The following GALNT14 variants were observed in gnomAD, a reference collection of about 807,000 sequenced individuals.
GALNT14 encodes polypeptide N-acetylgalactosaminyltransferase 14, also known as UDP-GalNAc:polypeptide N-acetylgalactosaminyltransferase 14.
Under a neutral mutation model 77.5 loss-of-function variants are expected in GALNT14, and 60 were observed. That is an observed-to-expected ratio of 0.77 (90% CI 0.63 to 0.96). The LOEUF (loss-of-function observed/expected upper bound fraction) is 0.96. GALNT14 is among the 40% of genes least tolerant of loss of function. The pLI is 0.00. For synonymous variants in GALNT14, 280 were observed against 281.7 expected (o/e 0.99, Z 0.06); for missense variants, 710 against 731.0 (o/e 0.97, Z 0.33).
intron 1 of GALNT14, among the ~76,000 whole-genome samples, chr2:31,029,705 A>G (rs961713483): frequency 6.6e-6 from 1 of 151,224 alleles, no homozygotes; most frequent in Non-Finnish European, 1.5e-5. Context: ...TACATCCCAG[A>G]GGAGTAGCAA....
At chr2:30,921,276 C>T (rs1324989798) in intron 13 of GALNT14, among the ~76,000 whole-genome samples, 1 of 152,148 alleles carries the variant, frequency 6.6e-6, no homozygotes, top group Non-Finnish European at 1.5e-5. Context: ...ACAGACCAAG[C>T]ACACTCCTGC....
intron 8 of GALNT14, among the ~76,000 whole-genome samples, chr2:30,943,823 G>T (rs922313323): frequency 6.6e-6 from 1 of 152,160 alleles, no homozygotes; most frequent in Non-Finnish European, 1.5e-5. Flanking sequence ...GGGCCATCAG[G>T]TAGATGAGAC....
intron 2 of GALNT14, chr2:30,991,074 T>G (rs951134378): frequency 4.6e-5 from 7 of 150,600 alleles, no homozygotes; most frequent in Admixed American, 3.3e-4. Context: ...TGCCTCTAAA[T>G]GGTAGAAGAA....
intron 2 of GALNT14, among the ~76,000 whole-genome samples, chr2:30,970,127 G>A (rs934751264): frequency 1.3e-5 from 2 of 152,130 alleles, no homozygotes; most frequent in African/African-American, 4.8e-5. Flanking sequence ...ATCTGCAGAC[G>A]ACTCTGCCTG....
At chr2:30,904,534 A>T in the GALNT14 span, among the ~76,000 whole-genome samples, 3 of 152,170 alleles carry the variant, frequency 2.0e-5, no homozygotes, top group Non-Finnish European at 4.4e-5. Context: ...ACGAGATTAT[A>T]TCCCACACCT....
downstream of GALNT14, among the ~76,000 whole-genome samples, chr2:30,909,281 A>C (rs1238362245): frequency 1.3e-5 from 2 of 149,808 alleles, no homozygotes; most frequent in South Asian, 2.1e-4. Context: ...CAACCTACAA[A>C]ATGGGAGAAA....
intron 1 of GALNT14, among the ~76,000 whole-genome samples, chr2:31,084,037 A>C (rs1290693179): frequency 2.0e-5 from 3 of 152,178 alleles, no homozygotes; most frequent in African/African-American, 7.2e-5. Context: ...GTAGGGGAGA[A>C]AGAGCGCTGG....
rs536331353 is a variant in GALNT14, at chr2:30,980,911, G to A, written c.299+11927C>T. 1.5e-4 allele frequency among the ~76,000 whole-genome samples: 23 copies of A among 152,316 alleles called. No homozygotes were observed. The East Asian group carries it at 3.3e-3, about 22-fold the overall frequency. ...AGCCTGGCCAACATGGCAAAACCCC[G>A]TCTCTACTAAGATTAGCTGGGCTTG... is the stretch of plus-strand genomic sequence containing the variant. On this transcript the variant is annotated intron_variant, in intron 2 of 14. Transcript: ENST00000349752.
In GALNT14 at chr2:31,076,225, C is replaced by T. The variant is rs111939514; in HGVS notation, c.129+61733G>A. Among the ~76,000 whole-genome samples the T allele has an allele frequency of 8.0e-3, 1,216 of 152,290 alleles. 11 individuals are homozygous for T. Among genetic ancestry groups the T allele is most frequent in the Non-Finnish European group, 0.011 (731 of 68,038 alleles). ...CCATTTATTGAGTACCCACCATGCA[C>T]CACACAATACAATCCTTCTAACAAG... On this transcript the variant is annotated intron_variant, in intron 1 of 14. Transcript: ENST00000349752.
intron 1 of GALNT14, chr2:31,129,388 T>C (rs1227445756): frequency 1.0e-6 from 1 of 985,344 alleles, no homozygotes; most frequent in Admixed American, 6.1e-5. Context: ...TATCTTCTTT[T>C]CCTGATTCAC....
chr2:30,969,557 C>T (rs564202999), intron 2 of GALNT14, among the ~76,000 whole-genome samples: 38 of 152,178 alleles, frequency 2.5e-4, no homozygotes, highest in Non-Finnish European at 5.0e-4. Context: ...CACGCAGTTA[C>T]GCAGAGGCAT....
chr2:30,950,280 T>TA lies in GALNT14; in HGVS notation c.655-4411dup, dbSNP rs563165076. Among the ~76,000 whole-genome samples the TA allele has an allele frequency of 2.8e-3, 426 of 151,432 alleles. 2 individuals are homozygous for TA. Among genetic ancestry groups the TA allele is most frequent in the Admixed American group, 4.8e-3 (73 of 15,198 alleles). ...ACTGAAAAAAAAATAAGCTTATGTTTAAAAAAAAACCCCAACTTGGTACTT... is the reference window on the plus strand; with the variant it reads ...ACTGAAAAAAAAATAAGCTTATGTTTAAAAAAAAAACCCCAACTTGGTACTT... On this transcript the variant is annotated intron_variant, in intron 6 of 14. Coordinates refer to ENST00000349752, the MANE Select transcript of GALNT14 (RefSeq NM_024572.4).
chr2:30,979,375 C>T (rs368994118), intron 2 of GALNT14, among the ~76,000 whole-genome samples: 137 of 152,128 alleles, frequency 9.0e-4, no homozygotes, highest in African/African-American at 3.0e-3. Context: ...ATGAAGCAGA[C>T]GGGAGCAAAG....
chr2:31,004,413 T>C (rs1370913568), intron 1 of GALNT14, among the ~76,000 whole-genome samples: 1 of 152,116 alleles, frequency 6.6e-6, no homozygotes, highest in Non-Finnish European at 1.5e-5. Flanking sequence ...TGGATGTAGG[T>C]AGAGCAAAGC....
rs145363450 is a variant in GALNT14, at chr2:31,007,863, T to G, written c.130-14856A>C. 8.8e-4 allele frequency among the ~76,000 whole-genome samples: 134 copies of G among 152,264 alleles called. 1 individual carries two copies. Among genetic ancestry groups the G allele is most frequent in the Admixed American group, 4.2e-3 (65 of 15,296 alleles). Reference sequence around the variant, plus strand: ...CATATTCTGGAAATGAGATTAAAATTATCAAAACCCCTGTCACCCCTTTGC... The same window carrying G: ...CATATTCTGGAAATGAGATTAAAATGATCAAAACCCCTGTCACCCCTTTGC... On this transcript the variant is annotated intron_variant, in intron 1 of 14. Transcript: ENST00000349752.
chr2:30,982,425 T>G lies in GALNT14; in HGVS notation c.299+10413A>C, dbSNP rs1669046254. Among the ~76,000 whole-genome samples the G allele has an allele frequency of 2.0e-5, 3 of 152,186 alleles. No individual in the cohort carries two copies. The South Asian group carries it at 6.2e-4, about 32-fold the overall frequency. ...TGGAAAAACCCCAAATGAGCACTGA[T>G]AGTCGAGTAGATATAGAAATTGTAA... On this transcript the variant is annotated intron_variant, in intron 2 of 14. Coordinates refer to ENST00000349752, the MANE Select transcript of GALNT14 (RefSeq NM_024572.4).
intron 1 of GALNT14, among the ~76,000 whole-genome samples, chr2:31,120,916 G>T (rs1351458442): frequency 6.6e-6 from 1 of 152,192 alleles, no homozygotes; most frequent in Non-Finnish European, 1.5e-5. Flanking sequence ...ATATTTCCAT[G>T]TCCACTGTGT....
intron 1 of GALNT14, among the ~76,000 whole-genome samples, chr2:31,090,904 C>A (rs545982810): frequency 6.6e-6 from 1 of 152,178 alleles, no homozygotes; most frequent in South Asian, 2.1e-4. Flanking sequence ...TATAAACTGG[C>A]GAGTGTTTTA....
intron 10 of GALNT14, 52 bp from the exon 11 acceptor site, chr2:30,929,539 C>G (rs769950873): frequency 1.5e-6 from 2 of 1,365,386 alleles, no homozygotes; most frequent in East Asian, 2.3e-5. Context: ...GTCTGAGAGG[C>G]CCTGTGAGTG....
Sources: allele counts gnomAD v4.1 joint callset (sites outside exome capture counted in the v4.1 genomes callset), GRCh38; gene constraint gnomAD v4.1.1; transcripts MANE v1.5; gene names NCBI Gene and HGNC (gene_info 2026-07-23, HGNC 2026-07-21).